Variants in LOC128706665 observed in about 807,000 individuals in gnomAD.
chr20:10,416,625 C>A, the LOC128706665 span, among the ~76,000 whole-genome samples: 76 of 152,288 alleles, frequency 5.0e-4, no homozygotes, highest in African/African-American at 1.8e-3. Flanking sequence ...AGGGATAAAA[C>A]ATTAATCTTG....
chr20:10,426,347 T>C, the LOC128706665 span, among the ~76,000 whole-genome samples: 1 of 152,216 alleles, frequency 6.6e-6, no homozygotes, highest in Admixed American at 6.5e-5. Context: ...TTGGAGGGCG[T>C]GAGGCACACC....
the LOC128706665 span, among the ~76,000 whole-genome samples, chr20:10,414,651 TG>T: frequency 6.6e-6 from 1 of 152,228 alleles, no homozygotes; most frequent in African/African-American, 2.4e-5. Flanking sequence ...AATTGTGGTT[TG>T]CTTGGAAACT....
At chr20:10,423,331 G>T in the LOC128706665 span, among the ~76,000 whole-genome samples, 1 of 152,138 alleles carries the variant, frequency 6.6e-6, no homozygotes, top group East Asian at 1.9e-4. Context: ...TGAGGTAGGA[G>T]GATCGCTTGG....
At chr20:10,427,516 T>G in the LOC128706665 span, among the ~76,000 whole-genome samples, 1 of 152,230 alleles carries the variant, frequency 6.6e-6, no homozygotes, top group East Asian at 1.9e-4. Context: ...AATGACAATG[T>G]TGGCTTTAGG....
At chr20:10,420,273 C>G in the LOC128706665 span, among the ~76,000 whole-genome samples, 33 of 152,208 alleles carry the variant, frequency 2.2e-4, no homozygotes, top group African/African-American at 6.5e-4. Context: ...TGCACACATT[C>G]ATGATCCTGG....
chr20:10,429,647 C>T, the LOC128706665 span, among the ~76,000 whole-genome samples: 1 of 152,300 alleles, frequency 6.6e-6, no homozygotes, highest in East Asian at 1.9e-4. Context: ...ATATACTGGA[C>T]TCTGCCCTTT....
the LOC128706665 span, among the ~76,000 whole-genome samples, chr20:10,422,427 G>T: frequency 6.6e-6 from 1 of 152,090 alleles, no homozygotes; most frequent in African/African-American, 2.4e-5. Flanking sequence ...ATTTCATTGT[G>T]AAGTCCAAAG....
the LOC128706665 span, among the ~76,000 whole-genome samples, chr20:10,422,159 T>C: frequency 6.6e-6 from 1 of 152,206 alleles, no homozygotes; most frequent in Non-Finnish European, 1.5e-5. Flanking sequence ...TATGAACATG[T>C]TATTCTTAGC....
the LOC128706665 span, among the ~76,000 whole-genome samples, chr20:10,425,536 G>T: frequency 3.3e-5 from 5 of 152,220 alleles, no homozygotes; most frequent in African/African-American, 1.2e-4. Context: ...GAAGCAGACA[G>T]ACTGGGAGAT....
chr20:10,433,982 C>G, the LOC128706665 span: 3 of 152,318 alleles, frequency 2.0e-5, no homozygotes, highest in Non-Finnish European at 4.4e-5. Context: ...TCCCCGCCCT[C>G]AAATATCCTT....
the LOC128706665 span, among the ~76,000 whole-genome samples, chr20:10,432,403 C>T: frequency 1.3e-5 from 2 of 152,188 alleles, no homozygotes; most frequent in Admixed American, 6.5e-5. Flanking sequence ...ACATCTTGCT[C>T]AATATCAATG....
chr20:10,421,394 G>GC, the LOC128706665 span, among the ~76,000 whole-genome samples: 11 of 142,596 alleles, frequency 7.7e-5, no homozygotes, highest in South Asian at 2.4e-3. Flanking sequence ...ACTGCACTAG[G>GC]CAACAGAATG....
the LOC128706665 span, among the ~76,000 whole-genome samples, chr20:10,414,867 C>T: frequency 8.5e-5 from 13 of 152,226 alleles, no homozygotes; most frequent in African/African-American, 1.4e-4. Flanking sequence ...TATCATTTTA[C>T]GTTATCAATC....
chr20:10,417,547 G>C, the LOC128706665 span, among the ~76,000 whole-genome samples: 1 of 152,150 alleles, frequency 6.6e-6, no homozygotes, highest in Non-Finnish European at 1.5e-5. Flanking sequence ...AGAGTTTGAG[G>C]CTGCAGTGAG....
chr20:10,420,695 C>A, the LOC128706665 span: 3 of 152,126 alleles, frequency 2.0e-5, no homozygotes, highest in Non-Finnish European at 2.9e-5. Context: ...GGGACCATAA[C>A]AACCAAAACT....
At chr20:10,419,317 A>G in the LOC128706665 span, among the ~76,000 whole-genome samples, 1 of 152,130 alleles carries the variant, frequency 6.6e-6, no homozygotes, top group Non-Finnish European at 1.5e-5. Flanking sequence ...CATAATTCAG[A>G]ATTTCTTAGA....
chr20:10,432,522 G>A, the LOC128706665 span, among the ~76,000 whole-genome samples: 10 of 152,130 alleles, frequency 6.6e-5, no homozygotes, highest in South Asian at 1.7e-3. Context: ...GCCAGACGCC[G>A]TGGGTCATGC....
At chr20:10,423,969 CAT>C in the LOC128706665 span, among the ~76,000 whole-genome samples, 2 of 150,714 alleles carry the variant, frequency 1.3e-5, no homozygotes, top group South Asian at 2.1e-4. Context: ...CTCCATATCT[CAT>C]ATATTGATTT....
chr20:10,431,527 A>AAAACC, the LOC128706665 span, among the ~76,000 whole-genome samples: 17,432 of 150,764 alleles, frequency 0.12, 1,291 homozygotes, highest in African/African-American at 0.2. Flanking sequence ...ATAGGGTCAA[A>AAAACC]AAACCAAACC....
Sources: allele counts gnomAD v4.1 joint callset (sites outside exome capture counted in the v4.1 genomes callset), GRCh38; gene constraint gnomAD v4.1.1; transcripts MANE v1.5.